The following SPAG16 variants were observed in gnomAD, a reference collection of about 807,000 sequenced individuals.
SPAG16 encodes the protein sperm-associated antigen 16 protein.
A neutral mutation model predicts 80.4 loss-of-function variants in SPAG16; 86 were observed. The observed-to-expected ratio is 1.07, with a 90% confidence interval of 0.90 to 1.28. SPAG16 has a LOEUF of 1.28. Ranked by LOEUF, SPAG16 falls within the 50% of genes most tolerant of loss-of-function variation. SPAG16 has a pLI of 0.00. For synonymous variants in SPAG16, 294 were observed against 265.9 expected (o/e 1.11, Z -1.03); for missense variants, 870 against 765.3 (o/e 1.14, Z -1.61).
intron 12 of SPAG16, among the ~76,000 whole-genome samples, chr2:213,988,033 A>T (rs947342093): frequency 6.6e-6 from 1 of 151,872 alleles, no homozygotes; most frequent in African/African-American, 2.4e-5. Context: ...AAGTGGGAGA[A>T]AAAAGGGATT....
rs192166232 is a variant in SPAG16 at position 214,188,683 on chromosome 2, A to C, written c.1720+39417A>C. 1.4e-3 allele frequency among the ~76,000 whole-genome samples: 211 copies of C among 152,216 alleles called. 2 individuals are homozygous for C. Among genetic ancestry groups the C allele is most frequent in the African/African-American group, 4.7e-3 (197 of 41,562 alleles). ...TACTTCTAAGTCTCTTCCTATCCTTATATTTACCTGCTGTGGTTCTGAATA... is the reference window on the plus strand; with the variant it reads ...TACTTCTAAGTCTCTTCCTATCCTTCTATTTACCTGCTGTGGTTCTGAATA... On this transcript the variant is annotated intron_variant, in intron 15 of 15. Transcript: ENST00000331683.
intron 11 of SPAG16, among the ~76,000 whole-genome samples, chr2:213,915,048 G>C (rs1405522437): frequency 6.6e-6 from 1 of 152,026 alleles, no homozygotes; most frequent in African/African-American, 2.4e-5. Flanking sequence ...TCATAATCAC[G>C]GCAGAAGGTG....
intron 12 of SPAG16, among the ~76,000 whole-genome samples, chr2:213,985,043 A>G (rs955040285): frequency 1.3e-5 from 2 of 152,072 alleles, no homozygotes; most frequent in African/African-American, 2.4e-5. Flanking sequence ...GTATTTGCCT[A>G]TTGTCTGAAA....
intron 10 of SPAG16, among the ~76,000 whole-genome samples, chr2:213,560,699 G>A (rs777781298): frequency 4.0e-4 from 61 of 152,246 alleles, no homozygotes; most frequent in Non-Finnish European, 6.3e-4. Flanking sequence ...TCTCCACAAT[G>A]TGAGTTAAGA....
chr2:213,998,077 A>T (rs1210824245), intron 12 of SPAG16, among the ~76,000 whole-genome samples: 1 of 152,248 alleles, frequency 6.6e-6, no homozygotes, highest in Non-Finnish European at 1.5e-5. Flanking sequence ...GCAATCAATT[A>T]TTGTGCCCTT....
chr2:213,774,231 T>A (rs1559457978), intron 10 of SPAG16, among the ~76,000 whole-genome samples: 1 of 152,232 alleles, frequency 6.6e-6, no homozygotes, highest in Non-Finnish European at 1.5e-5. Context: ...CTGGGTGGAT[T>A]AAAGCAACAG....
intron 10 of SPAG16, among the ~76,000 whole-genome samples, chr2:213,590,127 T>C (rs1249963501): frequency 6.6e-6 from 1 of 152,160 alleles, no homozygotes; most frequent in Non-Finnish European, 1.5e-5. Flanking sequence ...GCGTTTGCTA[T>C]GAAAATCAGG....
intron 10 of SPAG16, among the ~76,000 whole-genome samples, chr2:213,785,584 G>C (rs533990509): frequency 9.2e-5 from 14 of 152,272 alleles, no homozygotes; most frequent in African/African-American, 3.1e-4. Flanking sequence ...TTCTAAACTA[G>C]TGATTTATAA....
chr2:214,195,208 T>C (rs1215159462), intron 15 of SPAG16, among the ~76,000 whole-genome samples: 1 of 150,580 alleles, frequency 6.6e-6, no homozygotes, highest in Non-Finnish European at 1.5e-5. Context: ...GGGTGGAAAA[T>C]TCTTTGCAAG....
chr2:213,532,609 A>C (rs1001448681), intron 10 of SPAG16, among the ~76,000 whole-genome samples: 2 of 151,866 alleles, frequency 1.3e-5, no homozygotes, highest in African/African-American at 4.8e-5. Context: ...CTACGGCTAC[A>C]CATCACCATG....
intron 11 of SPAG16, among the ~76,000 whole-genome samples, chr2:213,893,535 T>A (rs185392128): frequency 8.4e-4 from 128 of 152,256 alleles, no homozygotes; most frequent in African/African-American, 3.0e-3. Flanking sequence ...ATATGTAATA[T>A]AAAATATGTA....
chr2:214,279,203 T>C (rs905873932), intron 15 of SPAG16, among the ~76,000 whole-genome samples: 9 of 151,718 alleles, frequency 5.9e-5, no homozygotes, highest in Non-Finnish European at 1.5e-5. Context: ...TACAAACGAT[T>C]CTCCTGCCTC....
chr2:213,720,903 G>A lies in SPAG16; in HGVS notation c.1071-141582G>A, dbSNP rs529679932. ...TGGGACTACAGTTGCCTGCCACCAC[G>A]CCCGGCTAATTTTTTTGTATTTTTT... On this transcript the variant is annotated intron_variant, in intron 10 of 15. Coordinates refer to ENST00000331683, the MANE Select transcript of SPAG16 (RefSeq NM_024532.5). 6.6e-5 allele frequency among the ~76,000 whole-genome samples: 10 copies of A among 150,726 alleles called. No homozygotes were observed. The South Asian group carries it at 1.9e-3, about 29-fold the overall frequency.
intron 4 of SPAG16, among the ~76,000 whole-genome samples, chr2:213,310,585 C>T (rs2063147878): frequency 6.6e-6 from 1 of 151,750 alleles, no homozygotes; most frequent in Non-Finnish European, 1.5e-5. Flanking sequence ...TGCTTTACTT[C>T]CTTGTTTTAT....
intron 3 of SPAG16, among the ~76,000 whole-genome samples, chr2:213,301,452 T>A (rs1391272833): frequency 6.6e-6 from 1 of 152,158 alleles, no homozygotes; most frequent in African/African-American, 2.4e-5. Context: ...ATTAAAACAG[T>A]TCAAAATTTG....
chr2:213,888,761 G>A (rs1289648935), intron 11 of SPAG16, among the ~76,000 whole-genome samples: 1 of 151,636 alleles, frequency 6.6e-6, no homozygotes, highest in Non-Finnish European at 1.5e-5. Context: ...TAGAGCTGAG[G>A]GCACATACAA....
chr2:213,395,157 T>C (rs1023345811), intron 9 of SPAG16, among the ~76,000 whole-genome samples: 1 of 152,190 alleles, frequency 6.6e-6, no homozygotes, highest in Non-Finnish European at 1.5e-5. Context: ...ATCAGTTTTA[T>C]GGACTTTTTT....
intron 5 of SPAG16, among the ~76,000 whole-genome samples, chr2:213,325,511 A>G (rs1265108575): frequency 6.6e-6 from 1 of 152,002 alleles, no homozygotes; most frequent in African/African-American, 2.4e-5. Flanking sequence ...TTTTATTGAA[A>G]ATCAGTTGAC....
chr2:213,425,576 A>G (rs1026256084), intron 9 of SPAG16, among the ~76,000 whole-genome samples: 1 of 149,514 alleles, frequency 6.7e-6, no homozygotes, highest in African/African-American at 2.5e-5. Context: ...TGCTTGAACC[A>G]GGAAGGTAGA....
Sources: gnomAD v4.1 joint callset for allele counts (sites outside exome capture counted in the v4.1 genomes callset) on GRCh38, gnomAD v4.1.1 for gene constraint, MANE v1.5 for transcripts, NCBI Gene and HGNC (gene_info 2026-07-23, HGNC 2026-07-21) for gene names.